ANKRD36B: variants seen among roughly 807,000 people sequenced by gnomAD.
ANKRD36B encodes ankyrin repeat domain 36B, also known as ankyrin repeat domain-containing protein 36B.
Under a neutral mutation model 135.7 loss-of-function variants are expected in ANKRD36B, and 37 were observed. That is an observed-to-expected ratio of 0.27 (90% CI 0.21 to 0.36). The LOEUF is 0.36. ANKRD36B is among the 10% of genes least tolerant of loss of function. The pLI is 1.00. For missense variants in ANKRD36B, 549 were observed against 1,037.1 expected (o/e 0.53, Z 6.46); for synonymous variants, 179 against 348.1 (o/e 0.51, Z 5.41).
In ANKRD36B at chr2:97,553,251, T is replaced by A. The variant is rs1474633555; in HGVS notation, c.1201-11A>T. ...CTCGTCAGTTGTAGCCTGAATGGAA[T>A]TTGAAAGAAAATAATAAATAAATAA... On this transcript the variant is annotated splice_polypyrimidine_tract_variant and intron_variant, in intron 15 of 43. Coordinates refer to ENST00000359901, the MANE Select transcript of ANKRD36B (RefSeq NM_001393939.1). The A allele has an allele frequency of 6.2e-7, 1 of 1,606,026 alleles. No homozygotes were observed. Among genetic ancestry groups the A allele is most frequent in the Admixed American group, 1.7e-5 (1 of 58,992 alleles).
chr2:97,588,183 A>C (rs1372026218), intron 1 of ANKRD36B, among the ~76,000 whole-genome samples: 1 of 152,046 alleles, frequency 6.6e-6, no homozygotes, highest in Non-Finnish European at 1.5e-5. Context: ...TTTAATCTAC[A>C]TTCCATAACG....
In ANKRD36B at chr2:97,537,140, T is replaced by C. The variant is rs1291128035; in HGVS notation, c.2090-644A>G. 2.0e-4 allele frequency among the ~76,000 whole-genome samples: 19 copies of C among 96,194 alleles called. 6 individuals are homozygous for C. Among genetic ancestry groups the C allele is most frequent in the Admixed American group, 1.6e-3 (17 of 10,744 alleles). The allele number at this position is 96,194 out of a possible 152,430, so 63.1% of individuals were successfully genotyped here. A position where few individuals can be genotyped will look rare whatever the true frequency, so the allele number is the denominator to read the frequency against. On this transcript the variant is annotated intron_variant, in intron 32 of 43. Transcript: ENST00000359901. ...GTTTAGCCTTCAGAAAGTTTCTTCA[T>C]CCACTAATGGCAAGAAGGTCTAATA...
rs141057673 is a variant in ANKRD36B, at chr2:97,553,803, A to T, written c.1172-432T>A. Among the ~76,000 whole-genome samples, 31 of 152,092 alleles carry T rather than the reference A, an allele frequency of 2.0e-4. 2 individuals carry two copies. The East Asian group carries it at 6.1e-3, about 30-fold the overall frequency. On this transcript the variant is annotated intron_variant, in intron 14 of 43. Coordinates refer to ENST00000359901, the MANE Select transcript of ANKRD36B (RefSeq NM_001393939.1). ...CTGCAAACATTCATCATCTTCATTA[A>T]CTTGCCCAGTAACTGAGAAGGTACA...
intron 6 of ANKRD36B, among the ~76,000 whole-genome samples, chr2:97,561,218 A>T: frequency 6.6e-6 from 1 of 151,930 alleles, no homozygotes; most frequent in East Asian, 1.9e-4. Context: ...GCGTCAAAGC[A>T]GGTGATACAT....
chr2:97,522,246 C>T lies in ANKRD36B; in HGVS notation c.2407+1080G>A, dbSNP rs964091939. ...AGTGAAAAGTCAACCCAAAAACTGG[C>T]AAAAATACCCTTGTAAAAAAGTAGC... On this transcript the variant is annotated intron_variant, in intron 36 of 43. Transcript: ENST00000359901. Among the ~76,000 whole-genome samples the T allele has an allele frequency of 2.5e-5, 2 of 80,618 alleles. 1 individual carries two copies. The highest frequency in any genetic ancestry group is 6.3e-5 in the Non-Finnish European group (2 of 31,504). The allele number at this position is 80,618 out of a possible 152,430, so 52.9% of individuals were successfully genotyped here.
At chr2:97,557,286 G>A (rs984301375) in intron 10 of ANKRD36B, among the ~76,000 whole-genome samples, 154 bp from the exon 11 acceptor site, 1 of 151,706 alleles carries the variant, frequency 6.6e-6, no homozygotes, top group African/African-American at 2.4e-5. Flanking sequence ...GGGAACATGA[G>A]GAAATACACT....
intron 22 of ANKRD36B, among the ~76,000 whole-genome samples, chr2:97,546,580 T>G (rs779350863): frequency 6.6e-6 from 1 of 151,738 alleles, no homozygotes; most frequent in Non-Finnish European, 1.5e-5. Flanking sequence ...CTATGACATA[T>G]TTCTTCAAAG....
In ANKRD36B at chr2:97,534,255, T is replaced by C. The variant is rs370268734; in HGVS notation, c.2192-1871A>G. On this transcript the variant is annotated intron_variant, in intron 34 of 43. Transcript: ENST00000359901. ...AAAATTAGTTCGATTTGATATACCATGCTAATCTCTAAGGCACTTTCATGG... is the reference window on the plus strand; with the variant it reads ...AAAATTAGTTCGATTTGATATACCACGCTAATCTCTAAGGCACTTTCATGG... Among the ~76,000 whole-genome samples, 38 of 95,386 alleles carry C rather than the reference T, an allele frequency of 4.0e-4. 10 individuals are homozygous for C. The highest frequency in any genetic ancestry group is 8.3e-4 in the Admixed American group (9 of 10,796). 62.6% of individuals were successfully genotyped at this position (95,386 alleles called of 152,430 possible).
chr2:97,528,678 G>C (rs2104429300), intron 35 of ANKRD36B, among the ~76,000 whole-genome samples: 1 of 96,336 alleles, frequency 1.0e-5, no homozygotes, highest in South Asian at 2.3e-4. Context: ...AAGAAGAAAA[G>C]AGAGAAGAAT....
rs2079288389 is a variant in ANKRD36B at position 97,544,097 on chromosome 2, C to A, written c.1682-112G>T. 6.1e-5 allele frequency: 4 copies of A among 65,726 alleles called. 1 individual carries two copies. The highest frequency in any genetic ancestry group is 1.2e-4 in the Non-Finnish European group (3 of 24,076). The allele number at this position is 65,726 out of a possible 1,614,324, so 4.1% of individuals were successfully genotyped here. ...ATCTTCCTGCCTGTATTAGTATAGG[C>A]TTTGATGTTTTCTACTTTGTGACTC... is the stretch of plus-strand genomic sequence containing the variant. On this transcript the variant is annotated intron_variant, in intron 24 of 43. Transcript: ENST00000359901.
At chr2:97,566,655 C>T (rs891563589) in intron 6 of ANKRD36B, among the ~76,000 whole-genome samples, 1 of 152,066 alleles carries the variant, frequency 6.6e-6, no homozygotes, top group Non-Finnish European at 1.5e-5. Context: ...AAAATGGCAT[C>T]ATTAGTAGAA....
At position 97,524,887 on chromosome 2, in the gene ANKRD36B, C is replaced by G. The variant is rs2078110496; in HGVS notation, c.2266-1420G>C. The G allele has an allele frequency of 2.1e-5, 2 of 97,322 alleles. 1 individual carries two copies. Among genetic ancestry groups the G allele is most frequent in the African/African-American group, 6.2e-5 (2 of 32,476 alleles). The allele number at this position is 97,322 out of a possible 1,614,324, so 6.0% of individuals were successfully genotyped here. On this transcript the variant is annotated intron_variant, in intron 35 of 43. Transcript: ENST00000359901. ...TAAAGAGGTCCTTTCTATCACAACACTTTTTCACTACTAGTTGTTGAGACA... is the reference window on the plus strand; with the variant it reads ...TAAAGAGGTCCTTTCTATCACAACAGTTTTTCACTACTAGTTGTTGAGACA...
chr2:97,558,767 A>T (rs1336068957), intron 10 of ANKRD36B, 32 bp downstream of exon 10: 4 of 1,609,996 alleles, frequency 2.5e-6, no homozygotes, highest in Non-Finnish European at 3.4e-6. Flanking sequence ...ATCTTGACTG[A>T]ACATGACATT....
intron 37 of ANKRD36B, among the ~76,000 whole-genome samples, chr2:97,514,192 A>G (rs902567925): frequency 7.7e-6 from 1 of 129,282 alleles, no homozygotes; most frequent in African/African-American, 4.2e-5. Flanking sequence ...TATTATCCTA[A>G]TAAAGTTTCT....
rs1186264980 is a variant in ANKRD36B, at chr2:97,584,984, T to C, written c.410A>G (p.Lys137Arg). 2 of 1,607,848 alleles carry C rather than the reference T, an allele frequency of 1.2e-6. No individual in the cohort carries two copies. Among genetic ancestry groups the C allele is most frequent in the Admixed American group, 3.4e-5 (2 of 59,680 alleles). ...VYNEDTSMIEKLLSHGTNIEE... is the reference protein window; with the variant it reads ...VYNEDTSMIERLLSHGTNIEE... ...AATATTTGTACCATGTGAAAGAAGT[T>C]TTTCTATCATGGATGTATCTTCATT... The change falls in exon 3 of 44, where the codon AAA (lysine) becomes AGA (arginine). Residue 137 changes from lysine to arginine, a missense_variant. By Grantham distance (26) the Lys-to-Arg change is conservative (BLOSUM62 2). Transcript: ENST00000359901.
chr2:97,494,722 G>C (rs2077285732), intron 43 of ANKRD36B, among the ~76,000 whole-genome samples: 1 of 87,838 alleles, frequency 1.1e-5, no homozygotes, highest in African/African-American at 3.1e-5. Context: ...GTTTCCTTTG[G>C]GCTTTCTGGA....
chr2:97,553,083 C>A (rs1390899598), intron 16 of ANKRD36B, 85 bp downstream of exon 16: 7 of 1,499,718 alleles, frequency 4.7e-6, no homozygotes, highest in Non-Finnish European at 6.3e-6. Context: ...GAGCCCCCCA[C>A]CCGCCCTGCG....
At chr2:97,555,884 G>A (rs2080479056) in intron 12 of ANKRD36B, among the ~76,000 whole-genome samples, 2 of 151,906 alleles carry the variant, frequency 1.3e-5, no homozygotes, top group Middle Eastern at 3.4e-3. Flanking sequence ...TTAGCCTTCA[G>A]AAATTTTCTT....
At position 97,532,557 on chromosome 2, in the gene ANKRD36B, C is replaced by G. The variant is rs142246482; in HGVS notation, c.2192-173G>C. Among the ~76,000 whole-genome samples the G allele has an allele frequency of 0.013, 1,259 of 95,148 alleles. 378 individuals are homozygous for G. The East Asian group carries it at 0.16, about 12-fold the overall frequency. The allele number at this position is 95,148 out of a possible 152,430, so 62.4% of individuals were successfully genotyped here. On this transcript the variant is annotated intron_variant, in intron 34 of 43. Coordinates refer to ENST00000359901, the MANE Select transcript of ANKRD36B (RefSeq NM_001393939.1). ...CTAACAAGGTGAAACCTCGTCTCTA[C>G]TAAAAAATACAAAAAATTAACTGGG...
Sources: allele counts gnomAD v4.1 joint callset (sites outside exome capture counted in the v4.1 genomes callset), GRCh38; gene constraint gnomAD v4.1.1; transcripts MANE v1.5; gene names NCBI Gene and HGNC (gene_info 2026-07-23, HGNC 2026-07-21).